Variants in C2CD2 observed in about 807,000 individuals in gnomAD.
C2CD2 encodes C2 domain-containing protein 2.
In C2CD2, 43 loss-of-function variants were observed where a neutral mutation model predicts 74.3. The ratio of observed to expected loss-of-function variants is 0.58; its 90% CI spans 0.45 to 0.75. C2CD2 has a LOEUF of 0.75. Ranked by LOEUF, C2CD2 falls within the 30% of genes least tolerant of loss-of-function variation. C2CD2 has a pLI of 0.00. For missense variants in C2CD2, 801 were observed against 916.3 expected, an observed-to-expected ratio of 0.87 and a Z score of 1.63; for synonymous variants, 422 against 390.7, an observed-to-expected ratio of 1.08 and a Z score of -0.94.
At chr21:41,906,458 T>C (rs2146165055) in intron 10 of C2CD2, among the ~76,000 whole-genome samples, 1 of 152,342 alleles carries the variant, frequency 6.6e-6, no homozygotes, top group Middle Eastern at 3.4e-3. Context: ...CTCTGCCTCC[T>C]GGGTTCAAGC....
chr21:41,902,497 C>T (rs1014357578), intron 11 of C2CD2, among the ~76,000 whole-genome samples: 1 of 152,224 alleles, frequency 6.6e-6, no homozygotes, highest in Non-Finnish European at 1.5e-5. Context: ...AGGAGTATGT[C>T]CAGCAGCCAG....
rs115047322 is a variant in C2CD2 at position 41,921,383 on chromosome 21, A to G, written c.492+589T>C. ...GCTCTCTGATGATTTGGGCAACCAA[A>G]GTCTCACTGGGCTTATTGTAATTAT... On this transcript the variant is annotated intron_variant, in intron 3 of 13. Coordinates refer to ENST00000380486, the MANE Select transcript of C2CD2 (RefSeq NM_015500.2). Among the ~76,000 whole-genome samples, 228 of 152,366 alleles carry G rather than the reference A, an allele frequency of 1.5e-3. 1 individual carries two copies. The highest frequency in any genetic ancestry group is 5.1e-3 in the African/African-American group (212 of 41,582).
At chr21:41,931,140 G>A (rs1326161310) in intron 2 of C2CD2, among the ~76,000 whole-genome samples, 1 of 150,552 alleles carries the variant, frequency 6.6e-6, no homozygotes, top group Non-Finnish European at 1.5e-5. Flanking sequence ...AATGCAGAGA[G>A]AGCCCCGGAG....
Position 41,945,941 on chromosome 21 carries a change from T to C in C2CD2, c.280-3696A>G, listed in dbSNP as rs1332105728. ...TTAGAGCAGTGTGAAAACAGACTGA[T>C]ACAACAATATAATAAATAGTGATAG... is the stretch of plus-strand genomic sequence containing the variant. On this transcript the variant is annotated intron_variant, in intron 1 of 13. Coordinates refer to ENST00000380486, the MANE Select transcript of C2CD2 (RefSeq NM_015500.2). This position sits in a 1 kb window ranked among gnomAD's most constrained non-coding sequence, Gnocchi z 4.2. 6.6e-6 allele frequency among the ~76,000 whole-genome samples: 1 copy of C among 152,194 alleles called. No homozygotes were observed. Among genetic ancestry groups the C allele is most frequent in the Non-Finnish European group, 1.5e-5 (1 of 68,034 alleles).
At chr21:41,953,283 C>T in intron 1 of C2CD2, 87 bp downstream of exon 1, 2 of 873,598 alleles carry the variant, frequency 2.3e-6, no homozygotes, top group South Asian at 2.4e-5. Flanking sequence ...GGGTCAGGGG[C>T]TGCAGCGACG....
chr21:41,926,639 C>T lies in C2CD2; in HGVS notation c.379-4554G>A. On this transcript the variant is annotated intron_variant, in intron 2 of 13. Coordinates refer to ENST00000380486, the MANE Select transcript of C2CD2 (RefSeq NM_015500.2). This position sits in a 1 kb window ranked among gnomAD's most constrained non-coding sequence, Gnocchi z 8.0. Reference sequence around the variant, plus strand: ...ACTTGGGGCCAAAAAATTCCAGGCACAGTTACTCCAGATTTTGCTACTGTT... The same window carrying T: ...ACTTGGGGCCAAAAAATTCCAGGCATAGTTACTCCAGATTTTGCTACTGTT... 1.0e-6 allele frequency: 1 copy of T among 984,928 alleles called. No individual in the cohort carries two copies. Among genetic ancestry groups the T allele is most frequent in the Non-Finnish European group, 1.2e-6 (1 of 829,552 alleles). 61.0% of individuals were successfully genotyped at this position (984,928 alleles called of 1,614,324 possible). A position where few individuals can be genotyped will look rare whatever the true frequency, so the allele number is the denominator to read the frequency against.
rs1483938345 is a variant in C2CD2 at position 41,953,751 on chromosome 21, T to G, written c.-103A>C. ...CTGCGGCCACAGCGCGCTGGGGGCGTGGAGGGGGCGCGGCGGGGTCGGAGC... is the reference window on the plus strand; with the variant it reads ...CTGCGGCCACAGCGCGCTGGGGGCGGGGAGGGGGCGCGGCGGGGTCGGAGC... On this transcript the variant is annotated 5_prime_UTR_variant, in exon 1 of 14. Transcript: ENST00000380486. 1 of 1,102,678 alleles carries G rather than the reference T, an allele frequency of 9.1e-7. No individual in the cohort carries two copies. Among genetic ancestry groups the G allele is most frequent in the Non-Finnish European group, 1.1e-6 (1 of 873,744 alleles). The allele number at this position is 1,102,678 out of a possible 1,614,324, so 68.3% of individuals were successfully genotyped here.
chr21:41,907,051 A>G lies in C2CD2; in HGVS notation c.1259T>C (p.Val420Ala). Residue 420 changes from valine (V) to alanine (A), a missense_variant, in exon 10 of 14, where the codon GTC becomes GCC. Transcript: ENST00000380486. ...VMPCGTVVTT[V>A]TAVKTKPRVD... ...GCGAGGCTTGGTCTTCACAGCAGTG[A>G]CAGTAGTGACCACAGTCCCACAGGG... 1 of 1,614,084 alleles carries G rather than the reference A, an allele frequency of 6.2e-7. No individual in the cohort carries two copies. Among genetic ancestry groups the G allele is most frequent in the Non-Finnish European group, 8.5e-7 (1 of 1,179,938 alleles).
At chr21:41,907,514 C>T in intron 9 of C2CD2, 146 bp downstream of exon 9, 2 of 852,864 alleles carry the variant, frequency 2.3e-6, no homozygotes, top group Non-Finnish European at 3.6e-6. Context: ...GAGTCTGGTC[C>T]TGCGTACGAT....
intron 2 of C2CD2, among the ~76,000 whole-genome samples, chr21:41,940,620 A>G (rs1482519650): frequency 6.6e-6 from 1 of 152,270 alleles, no homozygotes; most frequent in African/African-American, 2.4e-5. Flanking sequence ...GAGCAGCCCA[A>G]CTTTACAAGA....
intron 8 of C2CD2, chr21:41,908,282 G>A (rs1601565025): frequency 1.3e-5 from 1 of 77,746 alleles, no homozygotes; most frequent in Non-Finnish European, 3.0e-5. Flanking sequence ...TGAGTAAGGG[G>A]AGGGAGAGAG....
intron 1 of C2CD2, among the ~76,000 whole-genome samples, chr21:41,943,400 ACCAAGTCTTGT>A (rs750597904): frequency 2.8e-4 from 42 of 152,362 alleles, no homozygotes; most frequent in Middle Eastern, 3.4e-3. Context: ...TATGTGACCA[ACCAAGTCTTGT>A]CCAAGTCTTG....
chr21:41,921,345 TGA>T (rs1480935931), intron 3 of C2CD2, among the ~76,000 whole-genome samples: 2 of 152,220 alleles, frequency 1.3e-5, no homozygotes, highest in Admixed American at 1.3e-4. Context: ...TGGCCGGATG[TGA>T]GAGACGCACA....
In C2CD2 at chr21:41,923,840, G is replaced by A. The variant is rs1290808377; in HGVS notation, c.379-1755C>T. On this transcript the variant is annotated intron_variant, in intron 2 of 13. Transcript: ENST00000380486. This position sits in a 1 kb window ranked among gnomAD's most constrained non-coding sequence, Gnocchi z 5.8. ...TCCCCGCTCCCCTCCCGGGGGCAGA[G>A]GGCCAAGCAGACACGTGTGGGATAA... 6.6e-6 allele frequency among the ~76,000 whole-genome samples: 1 copy of A among 152,152 alleles called. No homozygotes were observed. The highest frequency in any genetic ancestry group is 2.4e-5 in the African/African-American group (1 of 41,426).
chr21:41,907,214 A>G, intron 9 of C2CD2, 48 bp from the exon 10 acceptor site: 1 of 1,481,716 alleles, frequency 6.7e-7, no homozygotes, highest in Non-Finnish European at 9.4e-7. Flanking sequence ...GAAGTTGCCC[A>G]GGCTGATCAG....
chr21:41,914,630 T>C lies in C2CD2; in HGVS notation c.812A>G (p.His271Arg). 2 of 1,613,858 alleles carry C rather than the reference T, an allele frequency of 1.2e-6. No homozygotes were observed. Among genetic ancestry groups the C allele is most frequent in the Non-Finnish European group, 8.5e-7 (1 of 1,179,836 alleles). Residue 271 changes from histidine to arginine, a missense_variant, in exon 6 of 14, where the codon CAC becomes CGC. His to Arg is a conservative substitution (Grantham distance 29). Coordinates refer to ENST00000380486, the MANE Select transcript of C2CD2 (RefSeq NM_015500.2). The part of the protein sequence containing the change: ...HELKLLVRNI[H>R]VLLLSEPGAS... ...ACCGGGCTCGCTGAGCAGCAAGACG[T>C]GGATGTTCCTCACCAGTAGCTTCAG...
chr21:41,925,526 G>A (rs560278900), intron 2 of C2CD2, among the ~76,000 whole-genome samples: 5 of 152,184 alleles, frequency 3.3e-5, no homozygotes, highest in Admixed American at 1.3e-4. Flanking sequence ...TGCTCCACTT[G>A]GAGGGATAAA....
intron 1 of C2CD2, among the ~76,000 whole-genome samples, chr21:41,947,871 TC>T (rs1405906898): frequency 6.6e-6 from 1 of 152,150 alleles, no homozygotes; most frequent in African/African-American, 2.4e-5. Flanking sequence ...CTCCAGAGCT[TC>T]CCCACGGGCC....
At chr21:41,932,897 A>C (rs2065274989) in intron 2 of C2CD2, among the ~76,000 whole-genome samples, 1 of 150,286 alleles carries the variant, frequency 6.7e-6, no homozygotes, top group East Asian at 2.0e-4. Flanking sequence ...AGAAAAAGGC[A>C]TCCAGTGGGC....
Sources: gnomAD v4.1 joint callset for allele counts (sites outside exome capture counted in the v4.1 genomes callset) on GRCh38, gnomAD v4.1.1 for gene constraint, Gnocchi (gnomAD v3.1) non-coding constraint, MANE v1.5 for transcripts, NCBI Gene and HGNC (gene_info 2026-07-23, HGNC 2026-07-21) for gene names.